The following PAM variants were observed in gnomAD, a reference collection of about 807,000 sequenced individuals.
PAM encodes peptidyl-glycine alpha-amidating monooxygenase.
In PAM, 72 loss-of-function variants were observed where a neutral mutation model predicts 122.1. The ratio of observed to expected loss-of-function variants is 0.59; its 90% CI spans 0.49 to 0.72. The LOEUF (loss-of-function observed/expected upper bound fraction) is 0.72, where lower values mean the gene tolerates loss of function less well. PAM is among the 30% of genes least tolerant of loss of function. The pLI is 0.00. For missense variants in PAM, 1,106 were observed against 1,183.7 expected (o/e 0.93, Z 0.96); for synonymous variants, 389 against 404.4 (o/e 0.96, Z 0.46).
chr5:102,953,606 T>G (rs1759704332), intron 12 of PAM, among the ~76,000 whole-genome samples: 1 of 152,146 alleles, frequency 6.6e-6, no homozygotes, highest in Non-Finnish European at 1.5e-5. Context: ...AAGTTTCAGA[T>G]AGACAGGAGG....
At chr5:102,978,086 TGAA>T (rs1768355271) in intron 15 of PAM, among the ~76,000 whole-genome samples, 1 of 152,168 alleles carries the variant, frequency 6.6e-6, no homozygotes, top group Admixed American at 6.5e-5. Flanking sequence ...TTTTTAAAAA[TGAA>T]ATACCAAAGT....
At chr5:102,756,895 A>G (rs1054302739) in intron 1 of PAM, among the ~76,000 whole-genome samples, 1 of 152,216 alleles carries the variant, frequency 6.6e-6, no homozygotes, top group Non-Finnish European at 1.5e-5. Context: ...GATATAGAGT[A>G]TGTTCCTTGT....
chr5:102,781,772 C>T (rs1759000518), intron 1 of PAM, among the ~76,000 whole-genome samples: 5 of 152,046 alleles, frequency 3.3e-5, no homozygotes, highest in Admixed American at 2.0e-4. Flanking sequence ...TAGATTAAGC[C>T]CAGAAATATT....
chr5:102,763,113 A>G (rs939028579), intron 1 of PAM, among the ~76,000 whole-genome samples: 1 of 152,178 alleles, frequency 6.6e-6, no homozygotes, highest in Admixed American at 6.5e-5. Context: ...GTTCTTGTCT[A>G]GTTCCCTAAT....
chr5:103,015,222 C>T (rs1253441251), intron 21 of PAM, among the ~76,000 whole-genome samples: 2 of 152,166 alleles, frequency 1.3e-5, no homozygotes, highest in East Asian at 1.9e-4. Flanking sequence ...TAAGCCACAA[C>T]ATAAACATTG....
At chr5:102,840,763 C>T (rs907827664) in intron 1 of PAM, among the ~76,000 whole-genome samples, 1 of 152,166 alleles carries the variant, frequency 6.6e-6, no homozygotes, top group South Asian at 2.1e-4. Flanking sequence ...TCACATGCTC[C>T]TTTTAGCCAG....
chr5:102,768,068 A>G (rs113255868), intron 1 of PAM, among the ~76,000 whole-genome samples: 10 of 152,294 alleles, frequency 6.6e-5, no homozygotes, highest in African/African-American at 2.4e-4. Context: ...CACTCAGTCT[A>G]CTACTGTGAT....
chr5:102,857,550 T>C (rs1465331834), intron 1 of PAM, among the ~76,000 whole-genome samples: 1 of 152,174 alleles, frequency 6.6e-6, no homozygotes, highest in Admixed American at 6.5e-5. Flanking sequence ...GTTTATAAAG[T>C]TGAAGAGGGA....
intron 1 of PAM, among the ~76,000 whole-genome samples, chr5:102,823,429 T>A (rs2150344914): frequency 6.6e-6 from 1 of 152,282 alleles, no homozygotes; most frequent in Admixed American, 6.5e-5. Context: ...GCCTAAAAGT[T>A]TTTTCTCCTT....
intron 1 of PAM, among the ~76,000 whole-genome samples, chr5:102,825,797 A>G (rs955350579): frequency 1.3e-5 from 2 of 152,180 alleles, no homozygotes; most frequent in Non-Finnish European, 2.9e-5. Context: ...CAAGTGAGCT[A>G]TGATTGTACC....
intron 4 of PAM, among the ~76,000 whole-genome samples, chr5:102,909,646 A>G (rs991870594): frequency 6.6e-6 from 1 of 151,874 alleles, no homozygotes. Context: ...GGACTCATCT[A>G]GATTGACTCT....
intron 4 of PAM, among the ~76,000 whole-genome samples, chr5:102,912,540 A>G (rs1305416387): frequency 1.3e-5 from 2 of 151,944 alleles, no homozygotes; most frequent in African/African-American, 4.8e-5. Flanking sequence ...TCAACCTGGC[A>G]GTGGTCTATA....
intron 16 of PAM, among the ~76,000 whole-genome samples, chr5:102,992,604 T>C (rs1196359478): frequency 1.3e-5 from 2 of 152,120 alleles, no homozygotes; most frequent in Non-Finnish European, 2.9e-5. Flanking sequence ...TTGGATGAAG[T>C]ATATCGGGTT....
chr5:102,901,513 T>C, intron 4 of PAM, 100 bp downstream of exon 4: 1 of 700,134 alleles, frequency 1.4e-6, no homozygotes, highest in Non-Finnish European at 2.6e-6. Context: ...TATTAATCTT[T>C]TACTGTCAGT....
At position 102,949,979 on chromosome 5, in the gene PAM, G is replaced by T; in HGVS notation, c.801+1G>T. 1 of 1,521,028 alleles carries T rather than the reference G, an allele frequency of 6.6e-7. No homozygotes were observed. Among genetic ancestry groups the T allele is most frequent in the Non-Finnish European group, 9.1e-7 (1 of 1,096,446 alleles). The allele number at this position is 1,521,028 out of a possible 1,614,324, so 94.2% of individuals were successfully genotyped here. ...ACGGCAGAGCCCTCAGCTGCCACAG[G>T]TGGGTAAAATCTAGTTTAATTTTGA... On this transcript the variant is annotated splice_donor_variant, in intron 11 of 25. Coordinates refer to ENST00000438793, the MANE Select transcript of PAM (RefSeq NM_001177306.2). LOFTEE classifies it high-confidence loss of function.
chr5:102,973,564 A>G (rs1463571107), intron 14 of PAM, among the ~76,000 whole-genome samples: 1 of 152,168 alleles, frequency 6.6e-6, no homozygotes, highest in Non-Finnish European at 1.5e-5. Flanking sequence ...GAACAACTAG[A>G]GCTTACAGTA....
intron 5 of PAM, among the ~76,000 whole-genome samples, chr5:102,916,311 C>G (rs996997176): frequency 3.3e-5 from 5 of 152,072 alleles, no homozygotes; most frequent in African/African-American, 4.8e-5. Flanking sequence ...CTCAAGCAAG[C>G]AGCTCACTGT....
At chr5:102,980,278 A>G (rs757051975) in intron 15 of PAM, among the ~76,000 whole-genome samples, 7 of 152,218 alleles carry the variant, frequency 4.6e-5, no homozygotes, top group Non-Finnish European at 1.0e-4. Flanking sequence ...CTAGTCATGT[A>G]TTGAATCATT....
At chr5:102,756,588 T>G (rs11958098) in intron 1 of PAM, among the ~76,000 whole-genome samples, 4,275 of 152,304 alleles carry the variant, frequency 0.028, 125 homozygotes, top group African/African-American at 0.064. Context: ...GACATATTGT[T>G]TGTAAATTTT....
Sources: allele counts gnomAD v4.1 joint callset (sites outside exome capture counted in the v4.1 genomes callset), GRCh38; gene constraint gnomAD v4.1.1; transcripts MANE v1.5; gene names NCBI Gene and HGNC (gene_info 2026-07-23, HGNC 2026-07-21).